Variants in CDHR1 observed in about 807,000 individuals in gnomAD.
CDHR1 encodes the protein cadherin related family member 1.
In CDHR1, 61 loss-of-function variants were observed where a neutral mutation model predicts 72.1. The observed-to-expected ratio is 0.85, with a 90% CI of 0.69 to 1.05. The LOEUF (loss-of-function observed/expected upper bound fraction) is 1.05. Among genes scored for constraint, CDHR1 ranks in the 50% least tolerant of loss-of-function variants. CDHR1 has a pLI of 0.00. For synonymous variants in CDHR1, 470 were observed against 448.1 expected (o/e 1.05, Z -0.62); for missense variants, 1,186 against 1,115.7 (o/e 1.06, Z -0.90).
rs949558341 is a variant in CDHR1, at chr10:84,194,743, C to T, written c.-18C>T. ...CCGGTCTCGGCGGCGGCAGGCGACA[C>T]TCCGCGCCGGCGGAGACATGAGGCG... On this transcript the variant is annotated 5_prime_UTR_variant, in exon 1 of 17. Coordinates refer to ENST00000623527, the MANE Select transcript of CDHR1 (RefSeq NM_033100.4). The T allele has an allele frequency of 2.3e-5, 34 of 1,493,760 alleles. No homozygotes were observed. In the East Asian group the frequency reaches 9.0e-4, roughly 40 times the overall value. 92.5% of individuals were successfully genotyped at this position (1,493,760 alleles called of 1,614,324 possible).
intron 15 of CDHR1, 110 bp downstream of exon 15, chr10:84,212,517 T>C (rs1285423253): frequency 1.1e-5 from 9 of 830,898 alleles, no homozygotes; most frequent in African/African-American, 1.7e-5. Flanking sequence ...CTTCCCACCA[T>C]GGACAAAGGA....
In CDHR1 at chr10:84,215,778, G is replaced by C. The variant is rs934082464; in HGVS notation, c.*1157G>C. The C allele has an allele frequency of 5.1e-6, 5 of 985,330 alleles. No homozygotes were observed. In the African/African-American group the frequency reaches 8.7e-5, roughly 17 times the overall value. The allele number at this position is 985,330 out of a possible 1,614,324, so 61.0% of individuals were successfully genotyped here. A position where few individuals can be genotyped will look rare whatever the true frequency, so the allele number is the denominator to read the frequency against. On this transcript the variant is annotated 3_prime_UTR_variant, in exon 17 of 17. Coordinates refer to ENST00000623527, the MANE Select transcript of CDHR1 (RefSeq NM_033100.4). ...TCTACTCTGCCAAGCGCCCCAGCAGGCACTGTGCTGGGCTTAGGGGCTACC... is the reference window on the plus strand; with the variant it reads ...TCTACTCTGCCAAGCGCCCCAGCAGCCACTGTGCTGGGCTTAGGGGCTACC...
chr10:84,204,646 T>C (rs762067029), intron 9 of CDHR1, 41 bp downstream of exon 9: 3 of 1,391,926 alleles, frequency 2.2e-6, no homozygotes, highest in East Asian at 2.3e-5. Flanking sequence ...TTTGACTCTC[T>C]AGGTGACCAG....
In CDHR1 at chr10:84,201,779, A is replaced by G. The variant is rs766076823; in HGVS notation, c.526-28A>G. On this transcript the variant is annotated intron_variant, in intron 6 of 16. Transcript: ENST00000623527. ...CTGGGGCTGGCCTGCATTCTTGCTG[A>G]GGTCCAGCTGCCCCCTAATTCTTAT... 8 of 1,579,510 alleles carry G rather than the reference A, an allele frequency of 5.1e-6. No homozygotes were observed. In the South Asian group the frequency reaches 8.9e-5, roughly 17 times the overall value.
intron 5 of CDHR1, 23 bp from the exon 6 acceptor site, chr10:84,200,578 C>T (rs1227329154): frequency 3.9e-6 from 6 of 1,557,682 alleles, no homozygotes; most frequent in East Asian, 2.3e-5. Flanking sequence ...TCTGACCCTC[C>T]CCTGTGGCTG....
chr10:84,210,691 G>A (rs182243174), intron 12 of CDHR1, among the ~76,000 whole-genome samples: 3 of 152,298 alleles, frequency 2.0e-5, no homozygotes, highest in Admixed American at 2.0e-4. Context: ...TTTTATATGG[G>A]CTAATAAACT....
At chr10:84,213,389 C>T (rs758327716) in intron 16 of CDHR1, 41 bp downstream of exon 16, 1 of 1,613,386 alleles carries the variant, frequency 6.2e-7, no homozygotes, top group South Asian at 1.1e-5. Flanking sequence ...GGTCAGCAGG[C>T]CAGCTCAGAC....
In CDHR1 at chr10:84,211,642, T is replaced by C; in HGVS notation, c.1486-6T>C. The C allele has an allele frequency of 6.2e-7, 1 of 1,614,028 alleles. No homozygotes were observed. The highest frequency in any genetic ancestry group is 8.5e-7 in the Non-Finnish European group (1 of 1,179,862). On this transcript the variant is annotated splice_region_variant and splice_polypyrimidine_tract_variant and intron_variant, in intron 13 of 16. Transcript: ENST00000623527. ...CACGTGCCACCCAGGGCTCTTTCTC[T>C]TCCAGGCTGTGGATCCAGATACAGG...
At position 84,214,260 on chromosome 10, in the gene CDHR1, T is replaced by A. The variant is rs773970278; in HGVS notation, c.2219T>A (p.Leu740His). ...AAGGTCCTGCCAATGCGGCGGGTGC[T>A]CCGCAAGCGGCCCAGCCCTGCGCCC... Reference protein sequence around the residue: ...SNKVLPMRRVLRKRPSPAPRT... With the variant: ...SNKVLPMRRVHRKRPSPAPRT... Residue 740 changes from leucine (L) to histidine (H), a missense_variant, in exon 17 of 17, where the codon CTC (leucine) becomes CAC (histidine). By Grantham distance (99) the Leu-to-His change is moderately conservative. Coordinates refer to ENST00000623527, the MANE Select transcript of CDHR1 (RefSeq NM_033100.4). The A allele has an allele frequency of 6.2e-7, 1 of 1,613,462 alleles. No homozygotes were observed. Among genetic ancestry groups the A allele is most frequent in the Non-Finnish European group, 8.5e-7 (1 of 1,180,006 alleles).
chr10:84,206,809 TG>T (rs969361990), intron 10 of CDHR1, among the ~76,000 whole-genome samples: 1 of 152,132 alleles, frequency 6.6e-6, no homozygotes. Flanking sequence ...GGTCTCAACT[TG>T]GGTTCAGAGG....
At chr10:84,219,335 T>C (rs1842474288), downstream of CDHR1, 1 of 1,539,928 alleles carries the variant, frequency 6.5e-7, no homozygotes, top group Non-Finnish European at 8.8e-7. Flanking sequence ...TAAATTTCTA[T>C]GTTTACAGAA....
chr10:84,212,217 A>G lies in CDHR1; in HGVS notation c.1592A>G (p.Gln531Arg). ...CCATCCACTGGGCTTATCTACACCC[A>G]GCCCTGGGCTAGCCTGGACGCTGAG... ...IHPSTGLIYT[Q>R]PWASLDAEAT... Residue 531 changes from glutamine to arginine, a missense_variant, in exon 15 of 17, where the codon CAG (glutamine) becomes CGG (arginine). Coordinates refer to ENST00000623527, the MANE Select transcript of CDHR1 (RefSeq NM_033100.4). 1 of 1,614,242 alleles carries G rather than the reference A, an allele frequency of 6.2e-7. No homozygotes were observed. The highest frequency in any genetic ancestry group is 8.5e-7 in the Non-Finnish European group (1 of 1,180,042).
At chr10:84,203,315 C>T (rs1169959559) in intron 8 of CDHR1, among the ~76,000 whole-genome samples, 192 bp downstream of exon 8, 1 of 152,220 alleles carries the variant, frequency 6.6e-6, no homozygotes, top group Non-Finnish European at 1.5e-5. Flanking sequence ...CCATGAGCTC[C>T]CCATGGGCAG....
In CDHR1 at chr10:84,216,161, C is replaced by T. The variant is rs375749983; in HGVS notation, c.*1540C>T. ...ACAGAGAGAGAAAAGTAGAACAGTT[C>T]TTTGCATTTGGCTCTACTTACTAAC... is the stretch of plus-strand genomic sequence containing the variant. On this transcript the variant is annotated 3_prime_UTR_variant, in exon 17 of 17. Coordinates refer to ENST00000623527, the MANE Select transcript of CDHR1 (RefSeq NM_033100.4). 1.0e-5 allele frequency: 10 copies of T among 985,332 alleles called. No homozygotes were observed. The highest frequency in any genetic ancestry group is 1.1e-4 in the East Asian group (1 of 8,834). The allele number at this position is 985,332 out of a possible 1,614,324, so 61.0% of individuals were successfully genotyped here. A position where few individuals can be genotyped will look rare whatever the true frequency, so the allele number is the denominator to read the frequency against.
Position 84,216,108 on chromosome 10 carries a change from C to A in CDHR1, c.*1487C>A, listed in dbSNP as rs768873138. On this transcript the variant is annotated 3_prime_UTR_variant, in exon 17 of 17. Transcript: ENST00000623527. The stretch of plus-strand genomic sequence containing the variant: ...ATAGGTTGTGCCCTGCTTTAAGGAA[C>A]CTGCTATCAGGAAATCTACATGTGT... 1.1e-5 allele frequency: 11 copies of A among 985,288 alleles called. No individual in the cohort carries two copies. The highest frequency in any genetic ancestry group is 1.3e-5 in the Non-Finnish European group (11 of 829,952). The allele number at this position is 985,288 out of a possible 1,614,324, so 61.0% of individuals were successfully genotyped here. A position where few individuals can be genotyped will look rare whatever the true frequency, so the allele number is the denominator to read the frequency against.
chr10:84,197,382 C>T (rs931700881), intron 3 of CDHR1, among the ~76,000 whole-genome samples: 22 of 152,032 alleles, frequency 1.4e-4, no homozygotes, highest in African/African-American at 5.3e-4. Context: ...TGGATGTGAG[C>T]CTCTGCAGAG....
At position 84,210,986 on chromosome 10, in the gene CDHR1, T is replaced by C. The variant is rs371682240; in HGVS notation, c.1321-15T>C. On this transcript the variant is annotated splice_polypyrimidine_tract_variant and intron_variant, in intron 12 of 16. Coordinates refer to ENST00000623527, the MANE Select transcript of CDHR1 (RefSeq NM_033100.4). ...GTGCCTACCCAGACAAGTCCCCATT[T>C]TCCCCCCTTCCCAGCTCCTGGCTGT... 7 of 1,614,060 alleles carry C rather than the reference T, an allele frequency of 4.3e-6. No individual in the cohort carries two copies. The African/African-American group carries it at 6.7e-5, about 15-fold the overall frequency.
At chr10:84,199,815 C>T (rs894761362) in intron 5 of CDHR1, among the ~76,000 whole-genome samples, 2 of 152,206 alleles carry the variant, frequency 1.3e-5, no homozygotes, top group African/African-American at 2.4e-5. Flanking sequence ...TTTGCTCCCT[C>T]CTGCAATGGG....
At position 84,218,168 on chromosome 10, in the gene CDHR1, G is replaced by A; in HGVS notation, c.*3547G>A. 1 of 985,472 alleles carries A rather than the reference G, an allele frequency of 1.0e-6. No individual in the cohort carries two copies. The highest frequency in any genetic ancestry group is 4.7e-5 in the South Asian group (1 of 21,286). The allele number at this position is 985,472 out of a possible 1,614,324, so 61.0% of individuals were successfully genotyped here. ...ATGGAGAAGATGCCACATGAGGAATGAGGCAGGAGACTGGCATGTGCCACA... is the reference window on the plus strand; with the variant it reads ...ATGGAGAAGATGCCACATGAGGAATAAGGCAGGAGACTGGCATGTGCCACA... On this transcript the variant is annotated 3_prime_UTR_variant, in exon 17 of 17. Transcript: ENST00000623527.
Sources: gnomAD v4.1 joint callset for allele counts (sites outside exome capture counted in the v4.1 genomes callset) on GRCh38, gnomAD v4.1.1 for gene constraint, MANE v1.5 for transcripts, NCBI Gene and HGNC (gene_info 2026-07-23, HGNC 2026-07-21) for gene names.